RAD9B: variants seen among roughly 807,000 people sequenced by gnomAD.
The protein encoded by RAD9B is cell cycle checkpoint control protein RAD9B.
Under a neutral mutation model 48.3 loss-of-function variants are expected in RAD9B, and 41 were observed. The observed-to-expected ratio is 0.85, with a 90% confidence interval of 0.66 to 1.10. The LOEUF (loss-of-function observed/expected upper bound fraction) is 1.10, where lower values mean the gene tolerates loss of function less well. Ranked by LOEUF, RAD9B falls within the 50% of genes least tolerant of loss-of-function variation. The probability of loss-of-function intolerance (pLI) is 0.00; values close to 1 mark genes in which losing one functional copy is unlikely to be tolerated. For synonymous variants in RAD9B, 160 were observed against 157.9 expected, an observed-to-expected ratio of 1.01 and a Z score of -0.10; for missense variants, 444 against 485.1, an observed-to-expected ratio of 0.92 and a Z score of 0.80.
At chr12:110,526,231 G>T (rs1402041973) in intron 10 of RAD9B, among the ~76,000 whole-genome samples, 1 of 151,736 alleles carries the variant, frequency 6.6e-6, no homozygotes, top group Non-Finnish European at 1.5e-5. Flanking sequence ...AAAAAAAAAA[G>T]ATTTTATAAT....
intron 10 of RAD9B, among the ~76,000 whole-genome samples, chr12:110,527,397 A>G (rs2063980093): frequency 6.6e-6 from 1 of 152,172 alleles, no homozygotes; most frequent in Non-Finnish European, 1.5e-5. Context: ...TCAGAGGTTC[A>G]TGGGCTTAGT....
At chr12:110,520,562 G>A (rs1304123532) in intron 9 of RAD9B, among the ~76,000 whole-genome samples, 2 of 147,744 alleles carry the variant, frequency 1.4e-5, no homozygotes, top group African/African-American at 5.0e-5. Context: ...GTTTTCACAG[G>A]AAAGTCTATA....
In RAD9B at chr12:110,503,823, C is replaced by T. The variant is rs1385353098; in HGVS notation, c.64C>T (p.Gln22Ter). The T allele has an allele frequency of 6.2e-7, 1 of 1,606,810 alleles. No individual in the cohort carries two copies. The highest frequency in any genetic ancestry group is 2.2e-5 in the East Asian group (1 of 44,678). ...SQVKVFGKAV[Q>*]ALSRISDEFW... The stretch of plus-strand genomic sequence containing the variant: ...CTCCATAGTATTTGGGAAAGCAGTT[C>T]AAGCTCTATCACGAATTAGTGACGA... The change falls in exon 2 of 11, where the codon CAA (glutamine) becomes TAA (stop). Residue 22 changes from glutamine (Q) to a stop codon, truncating the protein, a stop_gained. Transcript: ENST00000409300. LOFTEE classifies it high-confidence loss of function.
intron 6 of RAD9B, among the ~76,000 whole-genome samples, chr12:110,515,706 C>G (rs1202775366): frequency 1.3e-5 from 2 of 152,078 alleles, no homozygotes; most frequent in African/African-American, 4.8e-5. Context: ...GCACAACAAG[C>G]TGTTTGAGAC....
chr12:110,522,561 A>G, intron 10 of RAD9B, 150 bp downstream of exon 10: 1 of 622,576 alleles, frequency 1.6e-6, no homozygotes, highest in East Asian at 2.8e-5. Flanking sequence ...TCTGAATTAT[A>G]GAATGAAGAA....
At position 110,519,883 on chromosome 12, in the gene RAD9B, C is replaced by T; in HGVS notation, c.857C>T (p.Pro286Leu). 6.2e-7 allele frequency: 1 copy of T among 1,612,682 alleles called. No homozygotes were observed. Among genetic ancestry groups the T allele is most frequent in the Non-Finnish European group, 8.5e-7 (1 of 1,179,438 alleles). The change falls in exon 9 of 11, where the codon CCA (proline) becomes CTA (leucine). Residue 286 changes from proline to leucine, a missense_variant. Coordinates refer to ENST00000409300, the MANE Select transcript of RAD9B (RefSeq NM_001286535.2). ...GATGAACAAAGTAGAGCATCTTCAC[C>T]ACAGTCACTGTGTCTTTCACAGAAA... is the stretch of plus-strand genomic sequence containing the variant. Reference protein sequence around the residue: ...LADEQSRASSPQSLCLSQKRK... With the variant: ...LADEQSRASSLQSLCLSQKRK...
At chr12:110,524,667 C>T (rs986467233) in intron 10 of RAD9B, among the ~76,000 whole-genome samples, 2 of 149,754 alleles carry the variant, frequency 1.3e-5, no homozygotes, top group Non-Finnish European at 1.5e-5. Flanking sequence ...TTTGGGAGGC[C>T]GAGGTGGGCA....
chr12:110,514,070 T>C (rs149573241), intron 5 of RAD9B, among the ~76,000 whole-genome samples: 67 of 152,104 alleles, frequency 4.4e-4, no homozygotes, highest in Middle Eastern at 3.4e-3. Context: ...GCTTCCTTCC[T>C]TCCTCCCTTC....
intron 6 of RAD9B, among the ~76,000 whole-genome samples, chr12:110,517,950 A>G (rs2063658956): frequency 1.3e-5 from 2 of 152,144 alleles, no homozygotes; most frequent in Non-Finnish European, 2.9e-5. Context: ...GTACTTTGGG[A>G]GGCTGAGGCG....
At chr12:110,506,171 C>T (rs1323891117) in intron 3 of RAD9B, among the ~76,000 whole-genome samples, 1 of 151,248 alleles carries the variant, frequency 6.6e-6, no homozygotes. Context: ...CAGGCGTGAG[C>T]CAGTGCACCT....
intron 10 of RAD9B, among the ~76,000 whole-genome samples, chr12:110,527,457 G>A (rs2063982171): frequency 6.6e-6 from 1 of 152,172 alleles, no homozygotes; most frequent in South Asian, 2.1e-4. Context: ...CAGTATCACG[G>A]CTATCTGGAG....
intron 6 of RAD9B, among the ~76,000 whole-genome samples, chr12:110,515,938 A>G (rs2063589467): frequency 6.6e-6 from 1 of 152,142 alleles, no homozygotes; most frequent in African/African-American, 2.4e-5. Context: ...CCCATTTTAC[A>G]TATGAAGAAA....
Position 110,530,903 on chromosome 12 carries a change from C to G in RAD9B, c.*250C>G, listed in dbSNP as rs2064119431. On this transcript the variant is annotated 3_prime_UTR_variant, in exon 11 of 11. Coordinates refer to ENST00000409300, the MANE Select transcript of RAD9B (RefSeq NM_001286535.2). ...AGAGTTTTCTGTGAAGGAAAAAAGC[C>G]CATTAGAGTTCTTCAATTCAATGCA... The G allele has an allele frequency of 2.5e-6, 3 of 1,216,764 alleles. No homozygotes were observed. The highest frequency in any genetic ancestry group is 3.1e-6 in the Non-Finnish European group (3 of 971,560). The allele number at this position is 1,216,764 out of a possible 1,614,324, so 75.4% of individuals were successfully genotyped here. A position where few individuals can be genotyped will look rare whatever the true frequency, so the allele number is the denominator to read the frequency against.
In RAD9B at chr12:110,505,662, G is replaced by A. The variant is rs2063241362; in HGVS notation, c.163G>A (p.Val55Ile). The A allele has an allele frequency of 6.3e-7, 1 of 1,579,864 alleles. No homozygotes were observed. The highest frequency in any genetic ancestry group is 1.3e-5 in the African/African-American group (1 of 74,302). ...VNSSRSAYGCVLFSPVFFQHY... is the reference protein window; with the variant it reads ...VNSSRSAYGCILFSPVFFQHY... ...TTCTTCTCGGTCAGCATATGGATGT[G>A]TCCTGTTCTCTCCTGTGTTTTTTCA... Residue 55 changes from valine to isoleucine, a missense_variant, in exon 3 of 11, where the codon GTC (valine) becomes ATC (isoleucine). By Grantham distance (29) the Val-to-Ile change is conservative. Coordinates refer to ENST00000409300, the MANE Select transcript of RAD9B (RefSeq NM_001286535.2).
intron 4 of RAD9B, among the ~76,000 whole-genome samples, chr12:110,509,004 G>A (rs1481152444): frequency 3.3e-5 from 5 of 151,874 alleles, no homozygotes; most frequent in Non-Finnish European, 5.9e-5. Context: ...TGGTTCTGTC[G>A]CCCAGGCTGG....
chr12:110,505,033 T>C (rs2063222078), intron 2 of RAD9B, among the ~76,000 whole-genome samples: 1 of 152,054 alleles, frequency 6.6e-6, no homozygotes, highest in South Asian at 2.1e-4. Context: ...AAAAGAAAGT[T>C]AAGGCCCCTG....
intron 9 of RAD9B, among the ~76,000 whole-genome samples, chr12:110,521,053 T>G (rs1047571672): frequency 3.3e-5 from 5 of 152,126 alleles, no homozygotes; most frequent in Non-Finnish European, 7.4e-5. Flanking sequence ...AAGAAGAAAA[T>G]AAAACTTACT....
In RAD9B at chr12:110,531,787, TG is replaced by T; in HGVS notation, c.*1135del. 1.6e-6 allele frequency: 1 copy of T among 644,208 alleles called. No individual in the cohort carries two copies. Among genetic ancestry groups the T allele is most frequent in the Non-Finnish European group, 2.6e-6 (1 of 379,262 alleles). The allele number at this position is 644,208 out of a possible 1,614,324, so 39.9% of individuals were successfully genotyped here. ...CAAAACATTGTTATGTAATGTCTTA[TG>T]ATGTGTGCCTCTCCCTCCCCCAAAC... On this transcript the variant is annotated 3_prime_UTR_variant, in exon 11 of 11. Transcript: ENST00000409300.
At position 110,514,730 on chromosome 12, in the gene RAD9B, G is replaced by A. The variant is rs562104997; in HGVS notation, c.489-320G>A. Among the ~76,000 whole-genome samples the A allele has an allele frequency of 9.9e-4, 150 of 152,274 alleles. 1 individual carries two copies. The highest frequency in any genetic ancestry group is 3.4e-3 in the African/African-American group (141 of 41,558). On this transcript the variant is annotated intron_variant, in intron 5 of 10. Transcript: ENST00000409300. The stretch of plus-strand genomic sequence containing the variant: ...GTATCTCCCTTTACAGTATGATCTA[G>A]GGCATAAGTAACTGGGCATACAAAA...
Sources: gnomAD v4.1 joint callset for allele counts (sites outside exome capture counted in the v4.1 genomes callset) on GRCh38, gnomAD v4.1.1 for gene constraint, MANE v1.5 for transcripts, NCBI Gene and HGNC (gene_info 2026-07-23, HGNC 2026-07-21) for gene names.